HS6ST2: variants seen among roughly 807,000 people sequenced by gnomAD.
HS6ST2 encodes the protein heparan-sulfate 6-O-sulfotransferase 2.
A neutral mutation model predicts 33.0 loss-of-function variants in HS6ST2; 17 were observed. The observed-to-expected ratio is 0.52, with a 90% confidence interval of 0.35 to 0.77. The LOEUF is 0.77. Among genes scored for constraint, HS6ST2 ranks in the 30% least tolerant of loss-of-function variants. The pLI, the probability that HS6ST2 is intolerant of heterozygous loss-of-function variation, is 0.01. For missense variants in HS6ST2, 519 were observed against 551.7 expected (o/e 0.94, Z 0.59); for synonymous variants, 248 against 237.1 (o/e 1.05, Z -0.42).
At chrX:132,718,254 T>G (rs1346240046) in intron 2 of HS6ST2, among the ~76,000 whole-genome samples, 1 of 111,293 alleles carries the variant, frequency 9.0e-6, no homozygotes, top group African/African-American at 3.3e-5. Flanking sequence ...TCCAGAGTTG[T>G]AGGGTGCTGG....
chrX:132,813,193 C>T (rs1377274911), intron 2 of HS6ST2, among the ~76,000 whole-genome samples: 1 of 111,646 alleles, frequency 9.0e-6, no homozygotes, highest in Non-Finnish European at 1.9e-5. Context: ...TCAATAACCT[C>T]TTTAATTACT....
chrX:132,704,992 G>C (rs2064176828), intron 3 of HS6ST2, among the ~76,000 whole-genome samples: 1 of 111,816 alleles, frequency 8.9e-6, no homozygotes, highest in Non-Finnish European at 1.9e-5. Flanking sequence ...GAGTTAGCCT[G>C]GGGCTCCGGA....
At chrX:132,640,390 G>A (rs1603289795) in intron 4 of HS6ST2, among the ~76,000 whole-genome samples, 1 of 111,100 alleles carries the variant, frequency 9.0e-6, no homozygotes, top group African/African-American at 3.3e-5. Flanking sequence ...TGGTGGTGGG[G>A]TGGGTGGACG....
chrX:132,828,699 C>T (rs199594772), intron 2 of HS6ST2, among the ~76,000 whole-genome samples: 24,856 of 59,188 alleles, frequency 0.42, 4,805 homozygotes, highest in African/African-American at 0.57. Flanking sequence ...TATATACACA[C>T]ACACACACAC....
chrX:132,717,562 A>C (rs1204069493), intron 2 of HS6ST2, among the ~76,000 whole-genome samples: 1 of 112,299 alleles, frequency 8.9e-6, no homozygotes, highest in Non-Finnish European at 1.9e-5. Flanking sequence ...AAGTACATGA[A>C]ACATCTGGAT....
At chrX:132,648,341 A>G (rs2063662844) in intron 4 of HS6ST2, among the ~76,000 whole-genome samples, 1 of 111,365 alleles carries the variant, frequency 9.0e-6, no homozygotes, top group Non-Finnish European at 1.9e-5. Flanking sequence ...ATGAGGACCA[A>G]GTGAAAAGTG....
intron 2 of HS6ST2, among the ~76,000 whole-genome samples, chrX:132,937,151 T>C (rs930823160): frequency 8.1e-5 from 9 of 110,596 alleles, no homozygotes; most frequent in African/African-American, 3.0e-4. Flanking sequence ...ATAAATTTAA[T>C]CAAGGAAGTA....
intron 2 of HS6ST2, among the ~76,000 whole-genome samples, chrX:132,750,063 A>C (rs1407960635): frequency 9.1e-6 from 1 of 110,252 alleles, no homozygotes; most frequent in Non-Finnish European, 1.9e-5. Flanking sequence ...GGGCCTAGGG[A>C]GGACACACCC....
At chrX:132,740,325 C>G (rs2064558712) in intron 2 of HS6ST2, among the ~76,000 whole-genome samples, 1 of 112,102 alleles carries the variant, frequency 8.9e-6, no homozygotes, top group African/African-American at 3.2e-5. Flanking sequence ...GTATCAGCCC[C>G]TTTTAGAACC....
At chrX:132,956,514 G>C (rs2067073366) in intron 2 of HS6ST2, among the ~76,000 whole-genome samples, 1 of 112,107 alleles carries the variant, frequency 8.9e-6, no homozygotes, top group South Asian at 3.7e-4. Flanking sequence ...ACGATGCCCC[G>C]TCCCAGCGGC....
intron 4 of HS6ST2, among the ~76,000 whole-genome samples, chrX:132,653,915 C>T (rs1305950595): frequency 9.0e-5 from 10 of 111,121 alleles, no homozygotes; most frequent in Admixed American, 7.7e-4. Flanking sequence ...TAACATCCAT[C>T]AAAAGCACAA....
intron 2 of HS6ST2, among the ~76,000 whole-genome samples, chrX:132,865,058 T>C (rs1195510558): frequency 9.1e-6 from 1 of 109,996 alleles, no homozygotes; most frequent in African/African-American, 3.3e-5. Context: ...ACATGTGTCA[T>C]GCTGGTGCGC....
intron 2 of HS6ST2, among the ~76,000 whole-genome samples, chrX:132,816,286 T>G (rs2065394269): frequency 8.9e-6 from 1 of 112,186 alleles, no homozygotes; most frequent in African/African-American, 3.2e-5. Context: ...TTTGAATTAT[T>G]ACCTTTTGAA....
In HS6ST2 at chrX:132,682,681, C is replaced by T. The variant is rs182374715; in HGVS notation, c.981-13482G>A. 4.3e-4 allele frequency among the ~76,000 whole-genome samples: 46 copies of T among 106,003 alleles called. 1 individual carries two copies. The highest frequency in any genetic ancestry group is 2.2e-3 in the South Asian group (5 of 2,270). 92.1% of individuals were successfully genotyped at this position (106,003 alleles called of 115,157 possible). On this transcript the variant is annotated intron_variant, in intron 3 of 4. Transcript: ENST00000370833. ...AGAGCAGTTTATTAGTTACCTTTGA[C>T]ATTCTCAGCTTTGTCTGTGGCTTGT... is the stretch of plus-strand genomic sequence containing the variant.
intron 2 of HS6ST2, among the ~76,000 whole-genome samples, chrX:132,783,509 C>T (rs2065032532): frequency 9.0e-6 from 1 of 111,468 alleles, no homozygotes; most frequent in Non-Finnish European, 1.9e-5. Flanking sequence ...CCATCTGAAG[C>T]AGCTGGAACT....
At chrX:132,631,339 G>A (rs2063515726) in intron 4 of HS6ST2, among the ~76,000 whole-genome samples, 1 of 111,969 alleles carries the variant, frequency 8.9e-6, no homozygotes, top group Non-Finnish European at 1.9e-5. Flanking sequence ...GGATGGAAAA[G>A]GGGCCAAGAG....
At chrX:132,733,625 T>G (rs1330284314) in intron 2 of HS6ST2, among the ~76,000 whole-genome samples, 3 of 111,367 alleles carry the variant, frequency 2.7e-5, no homozygotes, top group Non-Finnish European at 5.6e-5. Flanking sequence ...ATTCCTTACA[T>G]AGTTAAGACC....
chrX:132,792,962 T>C (rs914671914), intron 2 of HS6ST2, among the ~76,000 whole-genome samples: 1 of 109,090 alleles, frequency 9.2e-6, no homozygotes, highest in African/African-American at 3.4e-5. Context: ...AGTTACCACT[T>C]AGCACCCAAA....
intron 2 of HS6ST2, among the ~76,000 whole-genome samples, chrX:132,813,364 C>G (rs2065367546): frequency 9.0e-6 from 1 of 111,460 alleles, no homozygotes; most frequent in Admixed American, 9.6e-5. Context: ...TGCTACCTCT[C>G]CAACTGTTTC....
Sources: gnomAD v4.1 joint callset for allele counts (sites outside exome capture counted in the v4.1 genomes callset) on GRCh38, gnomAD v4.1.1 for gene constraint, MANE v1.5 for transcripts, NCBI Gene and HGNC (gene_info 2026-07-23, HGNC 2026-07-21) for gene names.